The following UIMC1 variants were observed in gnomAD, a reference collection of about 807,000 sequenced individuals.
UIMC1 encodes BRCA1-A complex subunit RAP80.
In UIMC1, 42 loss-of-function variants were observed where a neutral mutation model predicts 84.9. The ratio of observed to expected loss-of-function variants is 0.49; its 90% confidence interval spans 0.39 to 0.64. The LOEUF is 0.64. Among genes scored for constraint, UIMC1 ranks in the 30% least tolerant of loss-of-function variants. UIMC1 has a pLI of 0.00. For missense variants in UIMC1, 825 were observed against 847.6 expected (o/e 0.97, Z 0.33); for synonymous variants, 281 against 293.0 (o/e 0.96, Z 0.42).
chr5:176,931,253 T>C (rs1763052015), intron 10 of UIMC1, among the ~76,000 whole-genome samples: 1 of 152,212 alleles, frequency 6.6e-6, no homozygotes, highest in South Asian at 2.1e-4. Flanking sequence ...AACTTTTATC[T>C]TTCTCGAAAT....
intron 10 of UIMC1, among the ~76,000 whole-genome samples, chr5:176,929,387 C>T (rs56288736): frequency 0.28 from 41,418 of 150,180 alleles, 5,700 homozygotes; most frequent in Middle Eastern, 0.37. Flanking sequence ...CACGGTGAAA[C>T]CCCGTCTCTA....
rs187640761 is a variant in UIMC1 at position 176,912,970 on chromosome 5, C to A, written c.1598-1581G>T. Among the ~76,000 whole-genome samples, 4 of 152,242 alleles carry A rather than the reference C, an allele frequency of 2.6e-5. No individual in the cohort carries two copies. In the East Asian group the frequency reaches 7.7e-4, roughly 29 times the overall value. The stretch of plus-strand genomic sequence containing the variant: ...GGCGTGAGCCACTGCGCCCGGCCAA[C>A]TTGGCTGTATCTTTTCACTGAGGGA... On this transcript the variant is annotated intron_variant, in intron 10 of 14. Transcript: ENST00000511320.
chr5:176,938,347 C>T (rs1205859890), intron 10 of UIMC1, among the ~76,000 whole-genome samples: 1 of 151,872 alleles, frequency 6.6e-6, no homozygotes, highest in East Asian at 1.9e-4. Flanking sequence ...CAATCACTAA[C>T]TTCTGTCTCT....
At chr5:176,985,763 C>T (rs1455535657) in intron 1 of UIMC1, among the ~76,000 whole-genome samples, 1 of 152,094 alleles carries the variant, frequency 6.6e-6, no homozygotes, top group African/African-American at 2.4e-5. Context: ...TGCCAGCACA[C>T]CTGGCTAATT....
intron 6 of UIMC1, among the ~76,000 whole-genome samples, chr5:176,960,668 C>CCT (rs1355664011): frequency 2.9e-5 from 2 of 68,230 alleles, no homozygotes. Flanking sequence ...TCTCCGTCTC[C>CCT]CCACGGTCTC....
At chr5:177,000,960 T>A (rs959171215) in intron 1 of UIMC1, among the ~76,000 whole-genome samples, 19 of 152,180 alleles carry the variant, frequency 1.2e-4, no homozygotes, top group African/African-American at 4.3e-4. Flanking sequence ...ATCCTGTGGG[T>A]TGTCTCTTCA....
chr5:176,953,897 T>C (rs1766241437), intron 8 of UIMC1, among the ~76,000 whole-genome samples: 1 of 152,206 alleles, frequency 6.6e-6, no homozygotes, highest in Admixed American at 6.5e-5. Context: ...AATATGTGTT[T>C]CACCCATTTG....
At chr5:176,964,749 T>C (rs1278892002) in intron 6 of UIMC1, among the ~76,000 whole-genome samples, 2 of 152,232 alleles carry the variant, frequency 1.3e-5, no homozygotes, top group African/African-American at 2.4e-5. Flanking sequence ...AGTTAATGTC[T>C]ATATGCTTAC....
chr5:176,966,077 T>A (rs1276522317), intron 6 of UIMC1, among the ~76,000 whole-genome samples: 1 of 152,106 alleles, frequency 6.6e-6, no homozygotes, highest in African/African-American at 2.4e-5. Context: ...AGAAAAAAAA[T>A]TTCTTTAAAT....
chr5:176,996,339 G>A (rs1034825481), intron 1 of UIMC1, among the ~76,000 whole-genome samples: 7 of 152,120 alleles, frequency 4.6e-5, no homozygotes, highest in African/African-American at 7.2e-5. Flanking sequence ...TTGAGGTAAT[G>A]TTCTCTATCT....
chr5:176,945,963 T>TC (rs1180398919), intron 9 of UIMC1, among the ~76,000 whole-genome samples: 3 of 152,218 alleles, frequency 2.0e-5, no homozygotes, highest in Admixed American at 6.5e-5. Flanking sequence ...ATACTATACT[T>TC]CTACATAGAA....
intron 1 of UIMC1, chr5:177,001,872 C>A (rs1378700714): frequency 6.6e-6 from 1 of 150,838 alleles, no homozygotes; most frequent in Non-Finnish European, 1.5e-5. Context: ...ATGGTGTGAA[C>A]CCGGGAGGCG....
intron 10 of UIMC1, among the ~76,000 whole-genome samples, chr5:176,924,636 A>G (rs1165309669): frequency 6.6e-6 from 1 of 152,198 alleles, no homozygotes; most frequent in Non-Finnish European, 1.5e-5. Context: ...CACCATACAC[A>G]AAAATCAATT....
intron 8 of UIMC1, among the ~76,000 whole-genome samples, chr5:176,955,649 A>C (rs1230678314): frequency 6.6e-6 from 1 of 152,216 alleles, no homozygotes; most frequent in Non-Finnish European, 1.5e-5. Flanking sequence ...ATGTACAGTT[A>C]AGCAAATGCT....
At position 176,905,271 on chromosome 5, in the gene UIMC1, A is replaced by G; in HGVS notation, c.*11T>C. 1.9e-6 allele frequency: 3 copies of G among 1,613,208 alleles called. No homozygotes were observed. The highest frequency in any genetic ancestry group is 2.5e-6 in the Non-Finnish European group (3 of 1,179,458). On this transcript the variant is annotated 3_prime_UTR_variant, in exon 15 of 15. Coordinates refer to ENST00000511320, the MANE Select transcript of UIMC1 (RefSeq NM_001199298.2). ...TACTAATGGTTTTGTCAACTTTTGG[A>G]CCCTAGAAATTCAGAATTTTCTCCT...
chr5:176,983,764 C>A (rs1377237865), intron 1 of UIMC1, among the ~76,000 whole-genome samples: 1 of 151,596 alleles, frequency 6.6e-6, no homozygotes. Context: ...CTCTACCCGG[C>A]CGCCACCCCG....
At chr5:176,949,851 T>C (rs1331536825) in intron 9 of UIMC1, among the ~76,000 whole-genome samples, 2 of 152,102 alleles carry the variant, frequency 1.3e-5, no homozygotes, top group Non-Finnish European at 2.9e-5. Context: ...GGTCAGGAGT[T>C]TGAGACCAGC....
chr5:176,951,189 T>C (rs912603215), intron 9 of UIMC1, among the ~76,000 whole-genome samples: 1 of 152,232 alleles, frequency 6.6e-6, no homozygotes, highest in Non-Finnish European at 1.5e-5. Flanking sequence ...TCTACCATTA[T>C]TAGTAGTATG....
At chr5:176,958,196 T>C in intron 6 of UIMC1, 42 bp from the exon 7 acceptor site, 3 of 1,532,162 alleles carry the variant, frequency 2.0e-6, no homozygotes, top group Non-Finnish European at 2.7e-6. Flanking sequence ...CAGGCACAGG[T>C]GAACTGGCTT....
Sources: allele counts gnomAD v4.1 joint callset (sites outside exome capture counted in the v4.1 genomes callset), GRCh38; gene constraint gnomAD v4.1.1; transcripts MANE v1.5; gene names NCBI Gene and HGNC (gene_info 2026-07-23, HGNC 2026-07-21).